RBFOX1: variants seen among roughly 807,000 people sequenced by gnomAD.
RBFOX1 encodes the protein RNA binding protein fox-1 homolog 1.
Under a neutral mutation model 57.7 loss-of-function variants are expected in RBFOX1, and 8 were observed. The ratio of observed to expected loss-of-function variants is 0.14; its 90% CI spans 0.08 to 0.25. RBFOX1 has a LOEUF of 0.25. Among genes scored for constraint, RBFOX1 ranks in the 10% least tolerant of loss-of-function variants. The pLI is 1.00. For synonymous variants in RBFOX1, 326 were observed against 222.4 expected, an observed-to-expected ratio of 1.47 and a Z score of -4.15; for missense variants, 611 against 548.5, an observed-to-expected ratio of 1.11 and a Z score of -1.14.
intron 2 of RBFOX1, among the ~76,000 whole-genome samples, chr16:6,368,746 C>T (rs1019073686): frequency 5.9e-5 from 9 of 152,166 alleles, no homozygotes; most frequent in Admixed American, 5.2e-4. Context: ...TTACACATGA[C>T]AGGCACATCA....
At chr16:7,545,801 A>T (rs1223564343) in intron 5 of RBFOX1, among the ~76,000 whole-genome samples, 1 of 152,142 alleles carries the variant, frequency 6.6e-6, no homozygotes, top group Non-Finnish European at 1.5e-5. Flanking sequence ...CAGCTCTGCC[A>T]TTCTGACACT....
rs148693407 is a variant in RBFOX1, at chr16:6,992,166, A to ATT, written c.-15-59886_-15-59885dup. 2.8e-3 allele frequency among the ~76,000 whole-genome samples: 413 copies of ATT among 148,378 alleles called. 3 individuals carry two copies. Among genetic ancestry groups the ATT allele is most frequent in the East Asian group, 7.1e-3 (35 of 4,960 alleles). On this transcript the variant is annotated intron_variant, in intron 3 of 15. Transcript: ENST00000550418. The stretch of plus-strand genomic sequence containing the variant: ...GCAGAACCAAGCTCATAGAGAAGCA[A>ATT]TTTTTTGTTTTTTTTGAGATGGAGT...
intron 4 of RBFOX1, among the ~76,000 whole-genome samples, chr16:7,370,329 C>A (rs1448910563): frequency 6.6e-6 from 1 of 152,090 alleles, no homozygotes; most frequent in African/African-American, 2.4e-5. Context: ...GTTGGTCTTT[C>A]AGTGATGGGT....
chr16:5,964,261 T>G (rs1247361538), intron 4 of RBFOX1, among the ~76,000 whole-genome samples: 1 of 151,846 alleles, frequency 6.6e-6, no homozygotes, highest in Non-Finnish European at 1.5e-5. Context: ...TTGGTGACGT[T>G]GTGGAGAAAA....
At chr16:5,350,692 C>T (rs2065243397) in intron 1 of RBFOX1, among the ~76,000 whole-genome samples, 1 of 152,046 alleles carries the variant, frequency 6.6e-6, no homozygotes, top group Non-Finnish European at 1.5e-5. Flanking sequence ...ATGGTGAAAC[C>T]CCGTCTCTAG....
intron 4 of RBFOX1, among the ~76,000 whole-genome samples, chr16:7,202,205 G>C (rs1413016445): frequency 6.7e-6 from 1 of 149,200 alleles, no homozygotes; most frequent in Admixed American, 6.8e-5. Context: ...ATAAGCACAT[G>C]AAAAAAGATG....
At chr16:5,496,957 A>G (rs1245409709) in intron 2 of RBFOX1, among the ~76,000 whole-genome samples, 2 of 152,254 alleles carry the variant, frequency 1.3e-5, no homozygotes, top group African/African-American at 2.4e-5. Context: ...AGTGATATTT[A>G]TATCTGCAAT....
At chr16:6,457,700 G>C (rs960005516) in intron 2 of RBFOX1, among the ~76,000 whole-genome samples, 1 of 152,130 alleles carries the variant, frequency 6.6e-6, no homozygotes, top group Non-Finnish European at 1.5e-5. Flanking sequence ...AGTAGGTGCT[G>C]GTATCTGCTA....
At chr16:7,052,344 T>C (rs1158535134) in intron 4 of RBFOX1, among the ~76,000 whole-genome samples, 5 of 152,224 alleles carry the variant, frequency 3.3e-5, no homozygotes, top group Admixed American at 3.3e-4. Flanking sequence ...AATACTTTTC[T>C]TCTGGAATTT....
At chr16:6,069,183 G>A (rs1022949729) in intron 1 of RBFOX1, among the ~76,000 whole-genome samples, 3 of 152,054 alleles carry the variant, frequency 2.0e-5, no homozygotes, top group Non-Finnish European at 2.9e-5. Flanking sequence ...TGGATCACCT[G>A]AGGTCGGGAG....
At chr16:6,854,013 A>C (rs1232426545) in intron 3 of RBFOX1, among the ~76,000 whole-genome samples, 4 of 152,304 alleles carry the variant, frequency 2.6e-5, no homozygotes, top group African/African-American at 9.6e-5. Context: ...GAAAGAAAGA[A>C]AGGTAGAAGG....
chr16:6,021,038 T>C (rs2095064747), intron 1 of RBFOX1, among the ~76,000 whole-genome samples: 2 of 152,156 alleles, frequency 1.3e-5, no homozygotes, highest in Non-Finnish European at 2.9e-5. Context: ...GGGGTGCGGC[T>C]ACTGAAGAGC....
intron 3 of RBFOX1, among the ~76,000 whole-genome samples, chr16:6,841,912 G>T (rs958331950): frequency 6.6e-6 from 1 of 151,974 alleles, no homozygotes; most frequent in African/African-American, 2.4e-5. Flanking sequence ...GTCGAGGCGG[G>T]TGGATCACGA....
chr16:7,026,714 C>T (rs569025156), intron 3 of RBFOX1, among the ~76,000 whole-genome samples: 3 of 152,288 alleles, frequency 2.0e-5, no homozygotes, highest in Admixed American at 6.5e-5. Flanking sequence ...TGCCTCTGAA[C>T]CCTCTTTCTT....
At chr16:6,611,680 T>G (rs1601493986) in intron 2 of RBFOX1, among the ~76,000 whole-genome samples, 1 of 152,192 alleles carries the variant, frequency 6.6e-6, no homozygotes, top group Non-Finnish European at 1.5e-5. Flanking sequence ...CAAGGATGAT[T>G]CCGGCTTACC....
intron 4 of RBFOX1, among the ~76,000 whole-genome samples, chr16:7,337,794 C>T (rs183070778): frequency 6.6e-6 from 1 of 152,204 alleles, no homozygotes; most frequent in Non-Finnish European, 1.5e-5. Flanking sequence ...AAGCGATTCT[C>T]CTGCCTCAGC....
At position 7,035,004 on chromosome 16, in the gene RBFOX1, T is replaced by A. The variant is rs946333176; in HGVS notation, c.-15-17053T>A. Among the ~76,000 whole-genome samples the A allele has an allele frequency of 8.0e-5, 12 of 149,280 alleles. No homozygotes were observed. In the South Asian group the frequency reaches 2.6e-3, roughly 33 times the overall value. The stretch of plus-strand genomic sequence containing the variant: ...CTGGGCCTACAGGTGCCCACCACCA[T>A]GCCTGGCTAATTTTTGTATTTTTAT... On this transcript the variant is annotated intron_variant, in intron 3 of 15. Coordinates refer to ENST00000550418, the MANE Select transcript of RBFOX1 (RefSeq NM_018723.4).
intron 1 of RBFOX1, among the ~76,000 whole-genome samples, chr16:6,218,810 T>G (rs1396804216): frequency 6.6e-6 from 1 of 151,380 alleles, no homozygotes; most frequent in African/African-American, 2.4e-5. Flanking sequence ...GGAATCTCAG[T>G]TAAGCTTATT....
intron 4 of RBFOX1, among the ~76,000 whole-genome samples, chr16:7,289,037 A>G (rs1418095077): frequency 6.6e-6 from 1 of 152,198 alleles, no homozygotes; most frequent in Non-Finnish European, 1.5e-5. Flanking sequence ...TAGTGTTTTC[A>G]CTAAAAAGAT....
Sources: gnomAD v4.1 joint callset for allele counts (sites outside exome capture counted in the v4.1 genomes callset) on GRCh38, gnomAD v4.1.1 for gene constraint, MANE v1.5 for transcripts, NCBI Gene and HGNC (gene_info 2026-07-23, HGNC 2026-07-21) for gene names.